SSH2: variants seen among roughly 807,000 people sequenced by gnomAD.
SSH2 encodes slingshot protein phosphatase 2, also known as protein phosphatase Slingshot homolog 2.
Under a neutral mutation model 135.2 loss-of-function variants are expected in SSH2, and 37 were observed. That is an observed-to-expected ratio of 0.27 (90% CI 0.21 to 0.36). SSH2 has a LOEUF of 0.36. Ranked by LOEUF, SSH2 falls within the 10% of genes least tolerant of loss-of-function variation. The probability of loss-of-function intolerance (pLI) is 1.00; values close to 1 mark genes in which losing one functional copy is unlikely to be tolerated. For missense variants in SSH2, 1,408 were observed against 1,765.3 expected, an observed-to-expected ratio of 0.80 and a Z score of 3.63; for synonymous variants, 628 against 646.2, an observed-to-expected ratio of 0.97 and a Z score of 0.43.
chr17:29,660,565 A>G (rs1023159114), intron 11 of SSH2, among the ~76,000 whole-genome samples: 2 of 151,946 alleles, frequency 1.3e-5, no homozygotes, highest in African/African-American at 4.8e-5. Flanking sequence ...GTGCCTGGCC[A>G]ACCTCTCTGT....
intron 2 of SSH2, among the ~76,000 whole-genome samples, chr17:29,838,279 C>T (rs189577109): frequency 5.3e-5 from 8 of 152,222 alleles, no homozygotes; most frequent in African/African-American, 1.2e-4. Flanking sequence ...TGGTCACTGA[C>T]AAGCATGAGA....
intron 13 of SSH2, 105 bp from the exon 14 acceptor site, chr17:29,648,449 T>G: frequency 1.2e-6 from 1 of 867,428 alleles, no homozygotes; most frequent in South Asian, 1.9e-5. Flanking sequence ...GCTCTTCCAT[T>G]TTCTTGCTAT....
chr17:29,857,297 G>A (rs949976404), intron 1 of SSH2, among the ~76,000 whole-genome samples: 5 of 152,168 alleles, frequency 3.3e-5, no homozygotes, highest in Admixed American at 1.3e-4. Flanking sequence ...GATGGCAGCA[G>A]GTAAAGAGAG....
Position 29,631,285 on chromosome 17 carries a change from C to T in SSH2, c.3909G>A (p.Arg1303=), listed in dbSNP as rs1383532057. 1 of 1,614,148 alleles carries T rather than the reference C, an allele frequency of 6.2e-7. No individual in the cohort carries two copies. The highest frequency in any genetic ancestry group is 8.5e-7 in the Non-Finnish European group (1 of 1,180,034). Residue 1303 remains arginine, a synonymous_variant, in exon 16 of 16, where the codon AGG becomes AGA. Transcript: ENST00000540801. ...LDLCKDCLPE[R]EPASCESPHL... ...GAGGGGATTCACAGGAGGCAGGCTC[C>T]CTCTCTGGTAAGCAGTCTTTACAGA...
intron 1 of SSH2, among the ~76,000 whole-genome samples, chr17:29,865,009 C>T (rs181414629): frequency 6.6e-6 from 1 of 152,300 alleles, no homozygotes; most frequent in East Asian, 1.9e-4. Context: ...ACTTAAATCA[C>T]TGCATTAAAA....
intron 1 of SSH2, among the ~76,000 whole-genome samples, chr17:29,867,283 C>T (rs373614723): frequency 1.3e-5 from 2 of 152,150 alleles, no homozygotes; most frequent in Admixed American, 1.3e-4. Context: ...AATCACCTTA[C>T]ATATTAGTTT....
intron 3 of SSH2, among the ~76,000 whole-genome samples, chr17:29,722,683 A>G (rs2151170180): frequency 6.6e-6 from 1 of 152,362 alleles, no homozygotes; most frequent in African/African-American, 2.4e-5. Context: ...ATTTTCTTAA[A>G]TTATGTTATT....
At chr17:29,839,611 T>A (rs928346922) in intron 2 of SSH2, among the ~76,000 whole-genome samples, 3 of 152,228 alleles carry the variant, frequency 2.0e-5, no homozygotes, top group Non-Finnish European at 4.4e-5. Flanking sequence ...CACAATCACC[T>A]ATGGACCTTT....
rs184024272 is a variant in SSH2, at chr17:29,693,910, G to A, written c.357+1549C>T. 1.1e-4 allele frequency among the ~76,000 whole-genome samples: 17 copies of A among 152,016 alleles called. 1 individual carries two copies. The highest frequency in any genetic ancestry group is 3.9e-4 in the African/African-American group (16 of 41,368). The stretch of plus-strand genomic sequence containing the variant: ...TCCCTAACTACTATAGCTGTCCCAC[G>A]GCATTCTTTGGCTCAAAAACCTGTA... On this transcript the variant is annotated intron_variant, in intron 5 of 15. Coordinates refer to ENST00000540801, the MANE Select transcript of SSH2 (RefSeq NM_001282129.2).
At chr17:29,688,585 C>T (rs1260815578) in intron 5 of SSH2, among the ~76,000 whole-genome samples, 5 of 152,116 alleles carry the variant, frequency 3.3e-5, no homozygotes, top group Non-Finnish European at 5.9e-5. Flanking sequence ...CCACCTCAGC[C>T]TCCCAAAGAG....
intron 2 of SSH2, among the ~76,000 whole-genome samples, chr17:29,799,889 T>G (rs1412077557): frequency 6.6e-6 from 1 of 152,218 alleles, no homozygotes; most frequent in African/African-American, 2.4e-5. Context: ...GGGTCTATCT[T>G]TCTGCTATAA....
intron 2 of SSH2, among the ~76,000 whole-genome samples, chr17:29,841,455 AT>A (rs2043039954): frequency 6.6e-6 from 1 of 152,292 alleles, no homozygotes; most frequent in South Asian, 2.1e-4. Flanking sequence ...ACTGACTTAA[AT>A]TTATACTAGA....
In SSH2 at chr17:29,929,927, G is replaced by T; in HGVS notation, c.63+11C>A. ...CAGAAGCAAGCGGAGCGGCCGCCAG[G>T]AAGGACTCACCGAGGCGCAGGGGCT... On this transcript the variant is annotated intron_variant, in intron 1 of 15. Transcript: ENST00000540801. 6.3e-7 allele frequency: 1 copy of T among 1,592,630 alleles called. No homozygotes were observed.
rs1177985672 is a variant in SSH2, at chr17:29,666,804, C to T, written c.1032+63G>A. On this transcript the variant is annotated intron_variant, in intron 11 of 15. Transcript: ENST00000540801. ...ATGTATAATAAAATTTAATAATTAC[C>T]CCTGCCCATGAGTCCATATGGGCTA... is the stretch of plus-strand genomic sequence containing the variant. The T allele has an allele frequency of 1.2e-5, 18 of 1,471,612 alleles. No homozygotes were observed. The South Asian group carries it at 1.3e-4, about 11-fold the overall frequency. The allele number at this position is 1,471,612 out of a possible 1,614,324, so 91.2% of individuals were successfully genotyped here.
intron 1 of SSH2, among the ~76,000 whole-genome samples, chr17:29,885,848 G>T (rs1000894723): frequency 6.6e-6 from 1 of 152,152 alleles, no homozygotes; most frequent in Admixed American, 6.6e-5. Context: ...CATGTAAGAT[G>T]TCCTTTTGCT....
At chr17:29,688,288 T>C (rs2038313279) in intron 5 of SSH2, among the ~76,000 whole-genome samples, 2 of 151,962 alleles carry the variant, frequency 1.3e-5, no homozygotes, top group South Asian at 4.2e-4. Flanking sequence ...GGATTACAGG[T>C]GCGAGCCACT....
rs1399330736 is a variant in SSH2, at chr17:29,914,416, G to T, written c.63+15522C>A. On this transcript the variant is annotated intron_variant, in intron 1 of 15. Coordinates refer to ENST00000540801, the MANE Select transcript of SSH2 (RefSeq NM_001282129.2). Reference sequence around the variant, plus strand: ...CTCTAAAAAAATAATAATAAAAAAAGTAGGCAGGTGTGGTGGTACGCACCT... The same window carrying T: ...CTCTAAAAAAATAATAATAAAAAAATTAGGCAGGTGTGGTGGTACGCACCT... 4.0e-5 allele frequency among the ~76,000 whole-genome samples: 6 copies of T among 151,720 alleles called. No homozygotes were observed. The South Asian group carries it at 8.3e-4, about 21-fold the overall frequency.
intron 3 of SSH2, among the ~76,000 whole-genome samples, chr17:29,704,106 T>G (rs2039102560): frequency 6.6e-6 from 1 of 152,172 alleles, no homozygotes; most frequent in African/African-American, 2.4e-5. Context: ...TTAATAAATA[T>G]TAGTTATTAT....
At chr17:29,814,282 A>T (rs929176734) in intron 2 of SSH2, among the ~76,000 whole-genome samples, 10 of 146,294 alleles carry the variant, frequency 6.8e-5, no homozygotes, top group Non-Finnish European at 1.2e-4. Context: ...AAAAATACAA[A>T]AAATTAGCCG....
Sources: gnomAD v4.1 joint callset for allele counts (sites outside exome capture counted in the v4.1 genomes callset) on GRCh38, gnomAD v4.1.1 for gene constraint, MANE v1.5 for transcripts, NCBI Gene and HGNC (gene_info 2026-07-23, HGNC 2026-07-21) for gene names.